Variants in PCNT observed in about 807,000 individuals in gnomAD.
PCNT encodes the protein kendrin.
Under a neutral mutation model 380.4 loss-of-function variants are expected in PCNT, and 319 were observed. The ratio of observed to expected loss-of-function variants is 0.84; its 90% CI spans 0.77 to 0.92. The LOEUF is 0.92. Ranked by LOEUF, PCNT falls within the 40% of genes least tolerant of loss-of-function variation. The probability of loss-of-function intolerance (pLI) is 0.00; values close to 1 mark genes in which losing one functional copy is unlikely to be tolerated. For synonymous variants in PCNT, 1,845 were observed against 1,735.2 expected (o/e 1.06, Z -1.57); for missense variants, 4,400 against 4,255.3 (o/e 1.03, Z -0.95).
Position 46,388,762 on chromosome 21 carries a change from T to C in PCNT, c.3485T>C (p.Leu1162Pro), listed in dbSNP as rs1308236060. ...HSERGALQDA[L>P]RRLLGLFGET... is the part of the protein sequence containing the mutation. ...CTCAGAGGGGCCCTCCAGGACGCCC[T>C]GCGCAGGCTGCTGGGTTTGTTTGGA... The change falls in exon 18 of 47, where the codon CTG becomes CCG. Residue 1162 changes from leucine (L) to proline (P), a missense_variant. Physicochemically the swap from Leu to Pro is moderately conservative, Grantham distance 98. Transcript: ENST00000359568. The surrounding 1 kb of genome is among the most constrained non-coding windows in gnomAD (Gnocchi z 4.2). The C allele has an allele frequency of 4.3e-6, 7 of 1,613,760 alleles. No homozygotes were observed. Among genetic ancestry groups the C allele is most frequent in the Non-Finnish European group, 2.5e-6 (3 of 1,179,970 alleles).
chr21:46,443,484 A>G (rs758910088), intron 44 of PCNT, among the ~76,000 whole-genome samples: 1 of 152,084 alleles, frequency 6.6e-6, no homozygotes, highest in Non-Finnish European at 1.5e-5. Context: ...TCTGAGTCAC[A>G]CCTGGTGGTC....
Position 46,326,481 on chromosome 21 carries a change from G to GAGTCCGGTAACCAAGGAGGAC in PCNT, c.162_182dup (p.Pro55_Ser61dup). 1 of 1,614,256 alleles carries GAGTCCGGTAACCAAGGAGGAC rather than the reference G, an allele frequency of 6.2e-7. No homozygotes were observed. Among genetic ancestry groups the GAGTCCGGTAACCAAGGAGGAC allele is most frequent in the Non-Finnish European group, 8.5e-7 (1 of 1,180,052 alleles). On this transcript the variant is annotated inframe_insertion, in exon 2 of 47. Coordinates refer to ENST00000359568, the MANE Select transcript of PCNT (RefSeq NM_006031.6). ...CTGTCGATGCGTCTGTCCAGGAGGA[G>GAGTCCGGTAACCAAGGAGGAC]AGTCCGGTAACCAAGGAGGACAGCG...
chr21:46,438,307 G>A lies in PCNT; in HGVS notation c.9243G>A (p.Lys3081=). Residue 3081 remains lysine (K), a synonymous_variant, in exon 41 of 47, where the codon AAG becomes AAA. Transcript: ENST00000359568. ...TGTCTAAGCTTGAGAAGTTGCTGAA[G>A]CACCATCTGCAGAAGGGCTGCAGCC... is the stretch of plus-strand genomic sequence containing the variant. ...RAVSKLEKLL[K]HHLQKGCSPS... 6.2e-7 allele frequency: 1 copy of A among 1,614,158 alleles called. No homozygotes were observed. The highest frequency in any genetic ancestry group is 8.5e-7 in the Non-Finnish European group (1 of 1,180,026).
chr21:46,440,991 T>TG lies in PCNT; in HGVS notation c.9535dup (p.Val3179GlyfsTer36), dbSNP rs747058622. The TG allele has an allele frequency of 6.8e-6, 11 of 1,614,012 alleles. No homozygotes were observed. The highest frequency in any genetic ancestry group is 1.6e-4 in the Middle Eastern group (1 of 6,062). On this transcript the variant is annotated frameshift_variant, in exon 43 of 47. Coordinates refer to ENST00000359568, the MANE Select transcript of PCNT (RefSeq NM_006031.6). LOFTEE classifies it high-confidence loss of function. The stretch of plus-strand genomic sequence containing the variant: ...GAAACACTCTCCATGATTGCCCATT[T>TG]GGGGGTATTTCCTTCCAAAGCAGAA...
chr21:46,361,252 A>G (rs1003285807), intron 13 of PCNT, among the ~76,000 whole-genome samples: 15 of 152,182 alleles, frequency 9.9e-5, no homozygotes, highest in Admixed American at 2.6e-4. Flanking sequence ...TTAGGCGAGT[A>G]TGGTGGTGCA....
chr21:46,395,456 CA>C (rs2086176989), intron 21 of PCNT, among the ~76,000 whole-genome samples: 14 of 143,898 alleles, frequency 9.7e-5, no homozygotes, highest in Admixed American at 6.9e-5. Flanking sequence ...CTTCAGGACT[CA>C]GCAGCAGAGA....
chr21:46,398,995 A>G (rs563264930), intron 24 of PCNT, among the ~76,000 whole-genome samples: 105 of 151,234 alleles, frequency 6.9e-4, no homozygotes, highest in African/African-American at 2.5e-3. Flanking sequence ...AATTTTTTGT[A>G]TTTTTAGTAG....
intron 16 of PCNT, among the ~76,000 whole-genome samples, chr21:46,384,829 A>G (rs2085769382): frequency 6.6e-6 from 1 of 152,076 alleles, no homozygotes; most frequent in Admixed American, 6.5e-5. Flanking sequence ...GCGGAAGCGC[A>G]TTCACGGTGT....
Position 46,429,458 on chromosome 21 carries a change from G to A in PCNT, c.7691-552G>A, listed in dbSNP as rs376564651. On this transcript the variant is annotated intron_variant, in intron 35 of 46. Coordinates refer to ENST00000359568, the MANE Select transcript of PCNT (RefSeq NM_006031.6). Reference sequence around the variant, plus strand: ...TGCTCGTGAGGGGCACAGGGGGGCCGGCACTGTGCGATCGCTCGTGAGGGG... The same window carrying A: ...TGCTCGTGAGGGGCACAGGGGGGCCAGCACTGTGCGATCGCTCGTGAGGGG... Among the ~76,000 whole-genome samples, 31 of 151,216 alleles carry A rather than the reference G, an allele frequency of 2.1e-4. No homozygotes were observed. The South Asian group carries it at 5.3e-3, about 26-fold the overall frequency.
In PCNT at chr21:46,425,762, G is replaced by T. The variant is rs571573469; in HGVS notation, c.7180-69G>T. The stretch of plus-strand genomic sequence containing the variant: ...AGAGTCCTGGCGGCAGCTCGGGGCC[G>T]CAGGTGGTGTAGAGCGTGGCTGTGT... On this transcript the variant is annotated intron_variant, in intron 32 of 46. Transcript: ENST00000359568. The surrounding 1 kb of genome is among the most constrained non-coding windows in gnomAD (Gnocchi z 4.2). 4 of 1,606,206 alleles carry T rather than the reference G, an allele frequency of 2.5e-6. No homozygotes were observed. Among genetic ancestry groups the T allele is most frequent in the African/African-American group, 1.3e-5 (1 of 74,804 alleles).
At chr21:46,363,231 G>A (rs2084780993) in intron 13 of PCNT, among the ~76,000 whole-genome samples, 1 of 152,112 alleles carries the variant, frequency 6.6e-6, no homozygotes, top group South Asian at 2.1e-4. Context: ...AAGGCCACGG[G>A]CTCCAGAGAT....
intron 17 of PCNT, among the ~76,000 whole-genome samples, chr21:46,387,187 G>C (rs1269512546): frequency 3.3e-5 from 5 of 152,224 alleles, no homozygotes; most frequent in African/African-American, 1.2e-4. Flanking sequence ...CTGGAGCATT[G>C]GTGTCTGTCA....
At chr21:46,391,139 C>A in intron 20 of PCNT, 25 bp from the exon 21 acceptor site, 1 of 1,552,878 alleles carries the variant, frequency 6.4e-7, no homozygotes, top group South Asian at 1.2e-5. Flanking sequence ...CTGGCTTTGT[C>A]AGAGCATCTG....
At chr21:46,412,741 T>G (rs1602010706) in intron 28 of PCNT, 96 bp from the exon 29 acceptor site, 1 of 1,302,060 alleles carries the variant, frequency 7.7e-7, no homozygotes. Flanking sequence ...GCATCCCTGC[T>G]GGCTGCCGTA....
At chr21:46,350,501 C>T (rs1160598177) in intron 8 of PCNT, among the ~76,000 whole-genome samples, 2 of 152,212 alleles carry the variant, frequency 1.3e-5, no homozygotes, top group African/African-American at 4.8e-5. Context: ...GCCAGGTCCT[C>T]ATTGGAGGCC....
intron 3 of PCNT, among the ~76,000 whole-genome samples, chr21:46,342,974 C>CT (rs1310692328): frequency 6.6e-6 from 1 of 152,100 alleles, no homozygotes; most frequent in African/African-American, 2.4e-5. Flanking sequence ...AGCTTGGTCA[C>CT]TTTTGGGGTA....
chr21:46,341,361 T>C (rs190259412), intron 3 of PCNT, among the ~76,000 whole-genome samples: 1 of 152,040 alleles, frequency 6.6e-6, no homozygotes, highest in African/African-American at 2.4e-5. Flanking sequence ...TAGTGAGGTG[T>C]TTGTGTTACT....
intron 3 of PCNT, among the ~76,000 whole-genome samples, chr21:46,342,875 T>G (rs2083949422): frequency 6.6e-6 from 1 of 152,232 alleles, no homozygotes; most frequent in Admixed American, 6.5e-5. Context: ...GTAGAGATTT[T>G]TCGCCTCCTT....
At position 46,384,229 on chromosome 21, in the gene PCNT, C is replaced by T. The variant is rs1440035306; in HGVS notation, c.3313-1603C>T. Among the ~76,000 whole-genome samples the T allele has an allele frequency of 1.3e-3, 122 of 93,302 alleles. 7 individuals are homozygous for T. The highest frequency in any genetic ancestry group is 4.0e-3 in the African/African-American group (115 of 28,642). The allele number at this position is 93,302 out of a possible 152,430, so 61.2% of individuals were successfully genotyped here. A position where few individuals can be genotyped will look rare whatever the true frequency, so the allele number is the denominator to read the frequency against. On this transcript the variant is annotated intron_variant, in intron 16 of 46. Coordinates refer to ENST00000359568, the MANE Select transcript of PCNT (RefSeq NM_006031.6). ...GCAGAAGCGCATTCACGGTGTTGTG[C>T]GTTCAGTGGCGGAAGCGCATTCACA... is the stretch of plus-strand genomic sequence containing the variant.
Sources: gnomAD v4.1 joint callset for allele counts (sites outside exome capture counted in the v4.1 genomes callset) on GRCh38, gnomAD v4.1.1 for gene constraint, Gnocchi (gnomAD v3.1) non-coding constraint, MANE v1.5 for transcripts, NCBI Gene and HGNC (gene_info 2026-07-23, HGNC 2026-07-21) for gene names.